The following SLC6A3 variants were observed in gnomAD, a reference collection of about 807,000 sequenced individuals.
The protein encoded by SLC6A3 is solute carrier family 6 member 3, also known as sodium-dependent dopamine transporter.
In SLC6A3, 19 loss-of-function variants were observed where a neutral mutation model predicts 70.4. The ratio of observed to expected loss-of-function variants is 0.27; its 90% CI spans 0.19 to 0.40. SLC6A3 has a LOEUF of 0.40. Ranked by LOEUF, SLC6A3 falls within the 10% of genes least tolerant of loss-of-function variation. SLC6A3 has a pLI of 1.00. For synonymous variants in SLC6A3, 368 were observed against 356.6 expected, an observed-to-expected ratio of 1.03 and a Z score of -0.36; for missense variants, 613 against 838.5, an observed-to-expected ratio of 0.73 and a Z score of 3.32.
rs1488807990 is a variant in SLC6A3, at chr5:1,397,903, T to C, written c.1839+3012A>G. ...AACAGGAACAAGAACAATGACAGTGTCTAATTTGTGGGTTAAAAAGAGAGA... is the reference window on the plus strand; with the variant it reads ...AACAGGAACAAGAACAATGACAGTGCCTAATTTGTGGGTTAAAAAGAGAGA... On this transcript the variant is annotated intron_variant, in intron 14 of 14. Coordinates refer to ENST00000270349, the MANE Select transcript of SLC6A3 (RefSeq NM_001044.5). The surrounding 1 kb of genome is among the most constrained non-coding windows in gnomAD (Gnocchi z 4.7). Among the ~76,000 whole-genome samples the C allele has an allele frequency of 6.6e-6, 1 of 152,200 alleles. No homozygotes were observed. The highest frequency in any genetic ancestry group is 1.5e-5 in the Non-Finnish European group (1 of 68,038).
At position 1,421,944 on chromosome 5, in the gene SLC6A3, C is replaced by T. The variant is rs746126234; in HGVS notation, c.724G>A (p.Ala242Thr). 1 of 1,613,084 alleles carries T rather than the reference C, an allele frequency of 6.2e-7. No homozygotes were observed. The highest frequency in any genetic ancestry group is 8.5e-7 in the Non-Finnish European group (1 of 1,179,992). ...AGCACGATGACCAGCACCAGGCAGG[C>T]TGTGAGCTGCCACCGCGGAGGCCCC... is the stretch of plus-strand genomic sequence containing the variant. ...DLGPPRWQLTACLVLVIVLLY... is the reference protein window; with the variant it reads ...DLGPPRWQLTTCLVLVIVLLY... The change falls in exon 5 of 15, where the codon GCC (alanine) becomes ACC (threonine). Residue 242 changes from alanine to threonine, a missense_variant. Coordinates refer to ENST00000270349, the MANE Select transcript of SLC6A3 (RefSeq NM_001044.5). The surrounding 1 kb of genome is among the most constrained non-coding windows in gnomAD (Gnocchi z 7.2).
intron 1 of SLC6A3, 87 bp downstream of exon 1, chr5:1,445,261 C>G (rs1294527981): frequency 6.6e-6 from 1 of 152,646 alleles, no homozygotes; most frequent in African/African-American, 2.4e-5. Flanking sequence ...AGACTGTGCC[C>G]GGTCCCCGGC....
At chr5:1,417,651 C>A (rs115400522) in intron 6 of SLC6A3, among the ~76,000 whole-genome samples, 3 of 152,238 alleles carry the variant, frequency 2.0e-5, no homozygotes, top group Non-Finnish European at 2.9e-5. Flanking sequence ...GAGGGCACTG[C>A]GGAGACCATT....
At chr5:1,431,615 G>A (rs372012327) in intron 4 of SLC6A3, among the ~76,000 whole-genome samples, 2 of 151,482 alleles carry the variant, frequency 1.3e-5, no homozygotes, top group Non-Finnish European at 2.9e-5. Flanking sequence ...GGGCCTGGCC[G>A]GGGTGGACGG....
At position 1,406,125 on chromosome 5, in the gene SLC6A3, G is replaced by A; in HGVS notation, c.1599+63C>T. ...CCACATGCGGGCGCTGGACCTCGGG[G>A]CAGGTGCCAGAGTGGGGGCAGTGGG... On this transcript the variant is annotated intron_variant, in intron 12 of 14. Transcript: ENST00000270349. The surrounding 1 kb of genome is among the most constrained non-coding windows in gnomAD (Gnocchi z 8.8). 2 of 1,224,942 alleles carry A rather than the reference G, an allele frequency of 1.6e-6. No homozygotes were observed. Among genetic ancestry groups the A allele is most frequent in the Admixed American group, 1.7e-5 (1 of 59,442 alleles). 75.9% of individuals were successfully genotyped at this position (1,224,942 alleles called of 1,614,324 possible).
Position 1,443,069 on chromosome 5 carries a change from G to A in SLC6A3, c.129C>T (p.Thr43=), listed in dbSNP as rs1179801580. The A allele has an allele frequency of 1.2e-6, 2 of 1,614,124 alleles. No homozygotes were observed. Among genetic ancestry groups the A allele is most frequent in the Admixed American group, 1.7e-5 (1 of 60,014 alleles). ...LVKEQNGVQL[T]SSTLTNPRQS... is the part of the protein sequence containing the mutation. ...GCCGCGGGTTGGTGAGGGTGGAGCT[G>A]GTGAGCTGCACTCCGTTCTGCTCCT... The change falls in exon 2 of 15, where the codon ACC becomes ACT. Residue 43 remains threonine (T), a synonymous_variant. Transcript: ENST00000270349.
At chr5:1,398,836 T>TA (rs1482434399) in intron 14 of SLC6A3, among the ~76,000 whole-genome samples, 3 of 152,166 alleles carry the variant, frequency 2.0e-5, no homozygotes, top group Non-Finnish European at 2.9e-5. Flanking sequence ...AGCCTCAGAC[T>TA]ACAGAGAGCA....
rs996287860 is a variant in SLC6A3 at position 1,442,768 on chromosome 5, C to G, written c.286+144G>C. The G allele has an allele frequency of 2.4e-6, 2 of 818,314 alleles. No homozygotes were observed. Among genetic ancestry groups the G allele is most frequent in the Admixed American group, 1.8e-5 (1 of 54,314 alleles). The allele number at this position is 818,314 out of a possible 1,614,324, so 50.7% of individuals were successfully genotyped here. On this transcript the variant is annotated intron_variant, in intron 2 of 14. Transcript: ENST00000270349. The surrounding 1 kb of genome is among the most constrained non-coding windows in gnomAD (Gnocchi z 5.0). The stretch of plus-strand genomic sequence containing the variant: ...GTTTTGTGACATCCTCTGGGAGGAT[C>G]TGCACCGGCCGTGAGCTCTCACAGG...
At chr5:1,431,693 TGCCTGGCTGGGGTGGACAGTGAGGGTTGG>T in intron 4 of SLC6A3, among the ~76,000 whole-genome samples, 1 of 86,800 alleles carries the variant, frequency 1.2e-5, no homozygotes, top group Non-Finnish European at 2.4e-5. Context: ...TTGTGGTTTG[TGCCTGGCTGGGGTGGACAGTGAGGGTTGG>T]GCCTGGCTGG....
rs112542861 is a variant in SLC6A3, at chr5:1,433,054, G to T, written c.419-356C>A. ...CCCAGAGACCCCCAGGGACACCAAGGTCACCCCCAGCCACATATGGTCATC... is the reference window on the plus strand; with the variant it reads ...CCCAGAGACCCCCAGGGACACCAAGTTCACCCCCAGCCACATATGGTCATC... On this transcript the variant is annotated intron_variant, in intron 3 of 14. Coordinates refer to ENST00000270349, the MANE Select transcript of SLC6A3 (RefSeq NM_001044.5). 3.8e-3 allele frequency among the ~76,000 whole-genome samples: 570 copies of T among 151,926 alleles called. 3 individuals carry two copies. Among genetic ancestry groups the T allele is most frequent in the African/African-American group, 0.013 (538 of 41,394 alleles).
chr5:1,405,950 G>A lies in SLC6A3; in HGVS notation c.1599+238C>T, dbSNP rs1407661634. Reference sequence around the variant, plus strand: ...CCAAGTGCAGGACTCACAACGGACTGTGACAGGGGTCCAAGACCATGTGAG... The same window carrying A: ...CCAAGTGCAGGACTCACAACGGACTATGACAGGGGTCCAAGACCATGTGAG... On this transcript the variant is annotated intron_variant, in intron 12 of 14. Transcript: ENST00000270349. This position sits in a 1 kb window ranked among gnomAD's most constrained non-coding sequence, Gnocchi z 5.3. Among the ~76,000 whole-genome samples the A allele has an allele frequency of 1.3e-5, 2 of 152,238 alleles. No homozygotes were observed. Among genetic ancestry groups the A allele is most frequent in the African/African-American group, 4.8e-5 (2 of 41,474 alleles).
rs993462519 is a variant in SLC6A3, at chr5:1,436,840, C to A, written c.419-4142G>T. Among the ~76,000 whole-genome samples, 2 of 152,334 alleles carry A rather than the reference C, an allele frequency of 1.3e-5. No individual in the cohort carries two copies. Among genetic ancestry groups the A allele is most frequent in the East Asian group, 1.9e-4 (1 of 5,174 alleles). ...ACACCAGTACACCCCAGGGCACCCA[C>A]GAGAGCTGGCTTCAGGAGAGGGTGT... On this transcript the variant is annotated intron_variant, in intron 3 of 14. Transcript: ENST00000270349. This position sits in a 1 kb window ranked among gnomAD's most constrained non-coding sequence, Gnocchi z 5.2.
In SLC6A3 at chr5:1,443,121, G is replaced by T; in HGVS notation, c.77C>A (p.Pro26Gln). 6.2e-7 allele frequency: 1 copy of T among 1,614,180 alleles called. No individual in the cohort carries two copies. The highest frequency in any genetic ancestry group is 8.5e-7 in the Non-Finnish European group (1 of 1,180,034). The change falls in exon 2 of 15, where the codon CCG (proline) becomes CAG (glutamine). Residue 26 changes from proline (P) to glutamine (Q), a missense_variant. Around this residue, in one of 4 missense-constraint regions of SLC6A3, gnomAD observed 111 missense variants for 91.6 expected, o/e 1.21. Coordinates refer to ENST00000270349, the MANE Select transcript of SLC6A3 (RefSeq NM_001044.5). ...GACAAGGATGAGCTCCACCTCCTTC[G>T]GGCCCACGGCATTGGGCTCCTTAGC... is the stretch of plus-strand genomic sequence containing the variant. The part of the protein sequence containing the change: ...APAKEPNAVG[P>Q]KEVELILVKE...
intron 14 of SLC6A3, among the ~76,000 whole-genome samples, chr5:1,399,124 A>G (rs973404022): frequency 1.3e-5 from 2 of 152,236 alleles, no homozygotes; most frequent in African/African-American, 2.4e-5. Context: ...AATAATAGGT[A>G]TCATATGTGT....
chr5:1,407,811 T>C (rs1487275915), intron 11 of SLC6A3, among the ~76,000 whole-genome samples: 2 of 152,246 alleles, frequency 1.3e-5, no homozygotes, highest in Non-Finnish European at 2.9e-5. Flanking sequence ...AGAGCAACAC[T>C]GAAAACAATG....
At chr5:1,440,095 G>C (rs1756938568) in intron 3 of SLC6A3, among the ~76,000 whole-genome samples, 1 of 152,234 alleles carries the variant, frequency 6.6e-6, no homozygotes, top group Non-Finnish European at 1.5e-5. Flanking sequence ...CAGCCGGAAA[G>C]GTTCAGTGAC....
intron 3 of SLC6A3, among the ~76,000 whole-genome samples, chr5:1,440,758 G>C (rs1733632662): frequency 6.6e-6 from 1 of 151,948 alleles, no homozygotes; most frequent in Admixed American, 6.5e-5. Context: ...CTGAGACAAG[G>C]AGAGAGGCTA....
At position 1,405,334 on chromosome 5, in the gene SLC6A3, A is replaced by AGGT. The variant is rs1755946062; in HGVS notation, c.1599+851_1599+853dup. ...CGGGGCTGTCCCACCTGCTGTGTGC[A>AGGT]GGTGACGAGGGGTCTCCACGCACGC... is the stretch of plus-strand genomic sequence containing the variant. On this transcript the variant is annotated intron_variant, in intron 12 of 14. Transcript: ENST00000270349. This position sits in a 1 kb window ranked among gnomAD's most constrained non-coding sequence, Gnocchi z 5.3. 6.6e-6 allele frequency among the ~76,000 whole-genome samples: 1 copy of AGGT among 152,202 alleles called. No homozygotes were observed. The highest frequency in any genetic ancestry group is 1.5e-5 in the Non-Finnish European group (1 of 68,024).
At chr5:1,440,455 T>C (rs972738781) in intron 3 of SLC6A3, among the ~76,000 whole-genome samples, 10 of 152,114 alleles carry the variant, frequency 6.6e-5, no homozygotes, top group Non-Finnish European at 1.0e-4. Flanking sequence ...AGAAAATAGA[T>C]GGATGAATGG....
Sources: allele counts gnomAD v4.1 joint callset (sites outside exome capture counted in the v4.1 genomes callset), GRCh38; gene constraint gnomAD v4.1.1; regional missense constraint gnomAD v4.1.1; non-coding constraint Gnocchi (gnomAD v3.1); transcripts MANE v1.5; gene names NCBI Gene and HGNC (gene_info 2026-07-23, HGNC 2026-07-21).